ADGRA3: variants seen among roughly 807,000 people sequenced by gnomAD.
ADGRA3 encodes G-protein coupled receptor 125.
In ADGRA3, 56 loss-of-function variants were observed where a neutral mutation model predicts 119.8. The ratio of observed to expected loss-of-function variants is 0.47; its 90% CI spans 0.38 to 0.58. The LOEUF (loss-of-function observed/expected upper bound fraction) is 0.58. Ranked by LOEUF, ADGRA3 falls within the 20% of genes least tolerant of loss-of-function variation. ADGRA3 has a pLI of 0.00. For synonymous variants in ADGRA3, 607 were observed against 623.8 expected (o/e 0.97, Z 0.40); for missense variants, 1,516 against 1,649.0 (o/e 0.92, Z 1.40).
intron 17 of ADGRA3, among the ~76,000 whole-genome samples, chr4:22,389,839 T>C (rs539529412): frequency 6.6e-6 from 1 of 152,262 alleles, no homozygotes; most frequent in South Asian, 2.1e-4. Context: ...AACTCTGTGC[T>C]CATCTCTGAG....
At chr4:22,426,916 G>A (rs1333991498) in intron 10 of ADGRA3, among the ~76,000 whole-genome samples, 2 of 152,116 alleles carry the variant, frequency 1.3e-5, no homozygotes, top group Admixed American at 1.3e-4. Flanking sequence ...CATTCTACTA[G>A]AAGCCCTTAC....
intron 16 of ADGRA3, chr4:22,394,098 T>G (rs1372621728): frequency 2.0e-5 from 3 of 152,220 alleles, no homozygotes. Context: ...AACTTGCTTT[T>G]TTTTAATCAC....
Position 22,401,463 on chromosome 4 carries a change from T to C in ADGRA3, c.2449A>G (p.Thr817Ala), listed in dbSNP as rs758897543. ...LTCVVFVGGI[T>A]QTRNASICQA... ...CAGATGCTGGCATTCCTAGTCTGGG[T>C]TATTCCTCCCACAAAGACCACACAG... is the stretch of plus-strand genomic sequence containing the variant. The change falls in exon 16 of 19, where the codon ACC becomes GCC. Residue 817 changes from threonine to alanine, a missense_variant. By Grantham distance (58) the Thr-to-Ala change is moderately conservative. Transcript: ENST00000334304. 2.5e-6 allele frequency: 4 copies of C among 1,611,888 alleles called. No homozygotes were observed. The East Asian group carries it at 8.9e-5, about 36-fold the overall frequency.
chr4:22,432,452 A>G (rs971002606), intron 10 of ADGRA3, among the ~76,000 whole-genome samples: 1 of 152,214 alleles, frequency 6.6e-6, no homozygotes, highest in African/African-American at 2.4e-5. Flanking sequence ...CAAAATAATC[A>G]TAATTGTCAA....
intron 16 of ADGRA3, among the ~76,000 whole-genome samples, chr4:22,395,927 C>T (rs189303849): frequency 5.9e-5 from 9 of 152,220 alleles, no homozygotes; most frequent in Non-Finnish European, 1.2e-4. Context: ...TTGCAGCAAT[C>T]CTCTAAATAA....
chr4:22,455,018 C>T, intron 3 of ADGRA3, 81 bp from the exon 4 acceptor site: 2 of 925,656 alleles, frequency 2.2e-6, no homozygotes, highest in Non-Finnish European at 3.6e-6. Flanking sequence ...TCAAGAACAG[C>T]ACCCAGGTAT....
intron 5 of ADGRA3, among the ~76,000 whole-genome samples, chr4:22,447,037 T>TG (rs10717833): frequency 1.1e-4 from 16 of 151,776 alleles, no homozygotes; most frequent in African/African-American, 3.9e-4. Flanking sequence ...TGATTTTAAG[T>TG]GGGGGGGGGG....
At chr4:22,466,325 T>C (rs1282266771) in intron 2 of ADGRA3, among the ~76,000 whole-genome samples, 1 of 152,138 alleles carries the variant, frequency 6.6e-6, no homozygotes, top group African/African-American at 2.4e-5. Context: ...CACTTGGGAT[T>C]CCCTGTCCTG....
chr4:22,443,643 T>C (rs1032839512), intron 6 of ADGRA3, among the ~76,000 whole-genome samples: 3 of 152,158 alleles, frequency 2.0e-5, no homozygotes, highest in African/African-American at 4.8e-5. Context: ...ATACAATGAA[T>C]TGATATGCAT....
chr4:22,485,307 G>C (rs1718401000), intron 1 of ADGRA3, among the ~76,000 whole-genome samples: 1 of 152,046 alleles, frequency 6.6e-6, no homozygotes, highest in African/African-American at 2.4e-5. Flanking sequence ...CACCCGCCTT[G>C]GCCTCCCAAA....
chr4:22,405,584 A>G (rs976729194), intron 14 of ADGRA3, among the ~76,000 whole-genome samples: 1 of 151,672 alleles, frequency 6.6e-6, no homozygotes, highest in African/African-American at 2.4e-5. Flanking sequence ...ATTAAAAGGA[A>G]ACTGCTATTT....
chr4:22,510,395 A>C (rs1320626475), intron 1 of ADGRA3, among the ~76,000 whole-genome samples: 2 of 152,140 alleles, frequency 1.3e-5, no homozygotes, highest in African/African-American at 4.8e-5. Context: ...CAGCCTTGAC[A>C]CATAAACTTC....
At chr4:22,425,091 G>C (rs939881916) in intron 10 of ADGRA3, among the ~76,000 whole-genome samples, 1 of 148,746 alleles carries the variant, frequency 6.7e-6, no homozygotes, top group Non-Finnish European at 1.5e-5. Context: ...AAAAAAAAAG[G>C]CAGGCAGGCA....
chr4:22,507,526 C>T (rs1719285984), intron 1 of ADGRA3, among the ~76,000 whole-genome samples: 1 of 152,142 alleles, frequency 6.6e-6, no homozygotes, highest in South Asian at 2.1e-4. Context: ...TTTACAGGCT[C>T]CTGGGAACAG....
At chr4:22,415,744 T>A (rs1277311669) in intron 12 of ADGRA3, among the ~76,000 whole-genome samples, 2 of 152,140 alleles carry the variant, frequency 1.3e-5, no homozygotes, top group African/African-American at 4.8e-5. Flanking sequence ...TCATTTACAT[T>A]TTTTAAAAGA....
chr4:22,424,786 C>A (rs190523033), intron 10 of ADGRA3, among the ~76,000 whole-genome samples: 1 of 152,078 alleles, frequency 6.6e-6, no homozygotes, highest in Non-Finnish European at 1.5e-5. Flanking sequence ...AAATACACAC[C>A]GCCAGCAGGG....
intron 6 of ADGRA3, 79 bp from the exon 7 acceptor site, chr4:22,442,942 T>A: frequency 9.6e-7 from 1 of 1,041,276 alleles, no homozygotes. Context: ...AAATTCTAGG[T>A]AAAATAATAA....
chr4:22,394,040 CAT>C (rs1188933107), intron 16 of ADGRA3: 1 of 152,066 alleles, frequency 6.6e-6, no homozygotes, highest in Non-Finnish European at 1.5e-5. Flanking sequence ...AAGTAAATGT[CAT>C]ATGTCACTGG....
Position 22,401,412 on chromosome 4 carries a change from GT to G in ADGRA3, c.2481+18del. 1 of 1,565,126 alleles carries G rather than the reference GT, an allele frequency of 6.4e-7. No homozygotes were observed. The highest frequency in any genetic ancestry group is 8.6e-7 in the Non-Finnish European group (1 of 1,156,078). On this transcript the variant is annotated intron_variant, in intron 16 of 18. Coordinates refer to ENST00000334304, the MANE Select transcript of ADGRA3 (RefSeq NM_145290.4). ...AATACCAGTAATTTTTTCCATTTCGGTTTTTCACTCTGACTTACTGCTTGGC... is the reference window on the plus strand; with the variant it reads ...AATACCAGTAATTTTTTCCATTTCGGTTTTCACTCTGACTTACTGCTTGGC...
Sources: gnomAD v4.1 joint callset for allele counts (sites outside exome capture counted in the v4.1 genomes callset) on GRCh38, gnomAD v4.1.1 for gene constraint, MANE v1.5 for transcripts, NCBI Gene and HGNC (gene_info 2026-07-23, HGNC 2026-07-21) for gene names.